The following LETM1 variants were observed in gnomAD, a reference collection of about 807,000 sequenced individuals.
LETM1 encodes the protein leucine zipper and EF-hand containing transmembrane protein 1.
In LETM1, 50 loss-of-function variants were observed where a neutral mutation model predicts 74.5. The ratio of observed to expected loss-of-function variants is 0.67; its 90% CI spans 0.53 to 0.85. LETM1 has a LOEUF of 0.85. Among genes scored for constraint, LETM1 ranks in the 40% least tolerant of loss-of-function variants. The pLI is 0.00. For synonymous variants in LETM1, 446 were observed against 407.1 expected (o/e 1.10, Z -1.15); for missense variants, 824 against 967.8 (o/e 0.85, Z 1.97).
chr4:1,822,982 G>T lies in LETM1; in HGVS notation c.1476+6C>A, dbSNP rs371412770. The T allele has an allele frequency of 1.3e-6, 2 of 1,553,818 alleles. No individual in the cohort carries two copies. Among genetic ancestry groups the T allele is most frequent in the Non-Finnish European group, 1.7e-6 (2 of 1,146,146 alleles). On this transcript the variant is annotated splice_donor_region_variant and intron_variant, in intron 9 of 13. Coordinates refer to ENST00000302787, the MANE Select transcript of LETM1 (RefSeq NM_012318.3). ...CCACGCGGCACGGAGCAGGACCACC[G>T]CTTACCGCCACCTCCGAGCGCTTCT...
intron 8 of LETM1, among the ~76,000 whole-genome samples, chr4:1,823,349 C>T (rs1459611321): frequency 6.6e-6 from 1 of 152,146 alleles, no homozygotes; most frequent in Non-Finnish European, 1.5e-5. Context: ...TGGGAAGGAG[C>T]ATAGGCGCTG....
chr4:1,818,624 A>G (rs1190720903), intron 11 of LETM1, among the ~76,000 whole-genome samples: 1 of 152,008 alleles, frequency 6.6e-6, no homozygotes, highest in African/African-American at 2.4e-5. Context: ...AAAAAAGAAA[A>G]AAAGAAAGAA....
intron 6 of LETM1, among the ~76,000 whole-genome samples, chr4:1,830,428 T>C (rs577567824): frequency 6.6e-6 from 1 of 152,188 alleles, no homozygotes; most frequent in Non-Finnish European, 1.5e-5. Flanking sequence ...TCTCCCAAGC[T>C]CGAGCAATCC....
In LETM1 at chr4:1,834,640, G is replaced by A. The variant is rs920101733; in HGVS notation, c.876+205C>T. Reference sequence around the variant, plus strand: ...CCATAATTCTGAAGGCTGACGAGGCGCAGCCACCACAGCTTAACTCACTGG... The same window carrying A: ...CCATAATTCTGAAGGCTGACGAGGCACAGCCACCACAGCTTAACTCACTGG... On this transcript the variant is annotated intron_variant, in intron 5 of 13. Transcript: ENST00000302787. The surrounding 1 kb of genome is among the most constrained non-coding windows in gnomAD (Gnocchi z 5.0). 2.8e-5 allele frequency: 39 copies of A among 1,398,008 alleles called. No individual in the cohort carries two copies. Among genetic ancestry groups the A allele is most frequent in the Admixed American group, 1.2e-4 (4 of 32,800 alleles). The allele number at this position is 1,398,008 out of a possible 1,614,324, so 86.6% of individuals were successfully genotyped here.
At chr4:1,830,102 C>T (rs924684788) in intron 6 of LETM1, among the ~76,000 whole-genome samples, 2 of 152,184 alleles carry the variant, frequency 1.3e-5, no homozygotes, top group South Asian at 2.1e-4. Flanking sequence ...ATCCTTTCTC[C>T]CCCGGAACAT....
intron 2 of LETM1, among the ~76,000 whole-genome samples, 199 bp from the exon 3 acceptor site, chr4:1,841,996 C>T (rs1335859813): frequency 2.0e-5 from 3 of 152,132 alleles, no homozygotes; most frequent in Non-Finnish European, 2.9e-5. Context: ...CAGTGTGCAG[C>T]CCCCTCAGCC....
rs547629076 is a variant in LETM1 at position 1,834,750 on chromosome 4, G to A, written c.876+95C>T. 4.3e-4 allele frequency: 666 copies of A among 1,552,008 alleles called. 12 individuals are homozygous for A. The South Asian group carries it at 7.7e-3, about 18-fold the overall frequency. The stretch of plus-strand genomic sequence containing the variant: ...ACTTTCAAGCGCCAGCCAGCACCTG[G>A]GGGAGCTCCACTCTGCTGAGCACAG... On this transcript the variant is annotated intron_variant, in intron 5 of 13. Coordinates refer to ENST00000302787, the MANE Select transcript of LETM1 (RefSeq NM_012318.3). The surrounding 1 kb of genome is among the most constrained non-coding windows in gnomAD (Gnocchi z 5.0).
intron 12 of LETM1, 141 bp downstream of exon 12, chr4:1,816,586 C>CTGGTCA: frequency 1.3e-6 from 1 of 741,204 alleles, no homozygotes; most frequent in East Asian, 2.7e-5. Context: ...GCTGGGACTG[C>CTGGTCA]TGGTCAAAGG....
At chr4:1,852,410 A>C (rs1291349197) in intron 1 of LETM1, among the ~76,000 whole-genome samples, 1 of 152,164 alleles carries the variant, frequency 6.6e-6, no homozygotes, top group African/African-American at 2.4e-5. Flanking sequence ...AAGCCTCACC[A>C]GCCTCCTCAC....
At chr4:1,820,554 C>G (rs779982516) in intron 10 of LETM1, among the ~76,000 whole-genome samples, 5 of 152,192 alleles carry the variant, frequency 3.3e-5, no homozygotes, top group African/African-American at 1.2e-4. Context: ...CTGAGGGTGA[C>G]GGCAGCTGGA....
chr4:1,828,295 TC>T (rs1712089921), intron 6 of LETM1, among the ~76,000 whole-genome samples: 1 of 95,792 alleles, frequency 1.0e-5, no homozygotes, highest in East Asian at 3.5e-4. Flanking sequence ...CCCACCTCCC[TC>T]CCGGACGGGG....
At chr4:1,855,757 G>A in intron 1 of LETM1, 112 bp downstream of exon 1, 1 of 632,598 alleles carries the variant, frequency 1.6e-6, no homozygotes, top group Non-Finnish European at 2.2e-6. Flanking sequence ...CCGGAGGCCG[G>A]GACCACCGGG....
chr4:1,819,092 A>T (rs1161617511), intron 11 of LETM1, among the ~76,000 whole-genome samples: 3 of 152,098 alleles, frequency 2.0e-5, no homozygotes, highest in Non-Finnish European at 4.4e-5. Flanking sequence ...ACAAAAAAAA[A>T]AAAAAAAAGG....
At chr4:1,821,663 G>A (rs1010275609) in intron 10 of LETM1, among the ~76,000 whole-genome samples, 10 of 152,288 alleles carry the variant, frequency 6.6e-5, no homozygotes, top group Middle Eastern at 3.4e-3. Context: ...ACTTCAGCCC[G>A]CGAGTTCAAG....
chr4:1,827,893 G>A (rs1486517161), intron 6 of LETM1, among the ~76,000 whole-genome samples: 7 of 145,404 alleles, frequency 4.8e-5, no homozygotes, highest in African/African-American at 1.5e-4. Flanking sequence ...CCCACCTCCC[G>A]GACGGGGCGG....
chr4:1,819,518 A>C (rs1471563377), intron 10 of LETM1, 46 bp from the exon 11 acceptor site: 13 of 1,584,250 alleles, frequency 8.2e-6, no homozygotes, highest in Non-Finnish European at 1.1e-5. Flanking sequence ...CAAGGGAAAG[A>C]ACTGGCCTGT....
At chr4:1,848,820 T>C (rs1712972418) in intron 2 of LETM1, among the ~76,000 whole-genome samples, 1 of 151,908 alleles carries the variant, frequency 6.6e-6, no homozygotes, top group South Asian at 2.1e-4. Flanking sequence ...ACTGGGCACT[T>C]TGAGGGCACA....
intron 2 of LETM1, 56 bp downstream of exon 2, chr4:1,849,093 C>A (rs1418770237): frequency 5.7e-6 from 7 of 1,236,958 alleles, no homozygotes; most frequent in South Asian, 1.2e-5. Flanking sequence ...GACTCTCCAC[C>A]ATTTTCAAAC....
At chr4:1,824,121 G>C (rs865873819) in intron 7 of LETM1, among the ~76,000 whole-genome samples, 1 of 152,156 alleles carries the variant, frequency 6.6e-6, no homozygotes, top group Non-Finnish European at 1.5e-5. Flanking sequence ...TCAGAAGTTC[G>C]AGACCAGCCT....
Sources: gnomAD v4.1 joint callset for allele counts (sites outside exome capture counted in the v4.1 genomes callset) on GRCh38, gnomAD v4.1.1 for gene constraint, Gnocchi (gnomAD v3.1) non-coding constraint, MANE v1.5 for transcripts, NCBI Gene and HGNC (gene_info 2026-07-23, HGNC 2026-07-21) for gene names.